BAG1: variants seen among roughly 807,000 people sequenced by gnomAD.
BAG1 encodes BAG family molecular chaperone regulator 1.
Under a neutral mutation model 35.5 loss-of-function variants are expected in BAG1, and 35 were observed. That is an observed-to-expected ratio of 0.99 (90% confidence interval 0.75 to 1.31). The LOEUF is 1.31. Ranked by LOEUF, BAG1 falls within the 50% of genes most tolerant of loss-of-function variation. The pLI is 0.00. For missense variants in BAG1, 464 were observed against 453.6 expected (o/e 1.02, Z -0.21); for synonymous variants, 191 against 178.9 (o/e 1.07, Z -0.54).
intron 6 of BAG1, among the ~76,000 whole-genome samples, 174 bp from the exon 7 acceptor site, chr9:33,255,482 A>AT (rs1167774255): frequency 6.6e-6 from 1 of 152,220 alleles, no homozygotes; most frequent in African/African-American, 2.4e-5. Flanking sequence ...GGGAGGGAGC[A>AT]TAGGACCAGC....
chr9:33,258,982 A>G lies in BAG1; in HGVS notation c.715T>C (p.Ser239Pro). The change falls in exon 4 of 7, where the codon TCT becomes CCT. Residue 239 changes from serine to proline, a missense_variant. Ser to Pro is a moderately conservative substitution (Grantham distance 74, BLOSUM62 -1). Coordinates refer to ENST00000634734, the MANE Select transcript of BAG1 (RefSeq NM_004323.6). ...AGCTGGTCAGCTATCTTCTCCACAG[A>G]CTTCTCCAAATGTTTCAACTTCTTT... 1 of 1,614,162 alleles carries G rather than the reference A, an allele frequency of 6.2e-7. No homozygotes were observed. The highest frequency in any genetic ancestry group is 8.5e-7 in the Non-Finnish European group (1 of 1,180,018).
rs2117918622 is a variant in BAG1, at chr9:33,254,592, AG to A, written c.*626del. ...GACAAGGAAGCCTTGCATCAACCAC[AG>A]GCTCCATCCAAGGAACGGCCCCCTG... On this transcript the variant is annotated 3_prime_UTR_variant, in exon 7 of 7. Coordinates refer to ENST00000634734, the MANE Select transcript of BAG1 (RefSeq NM_004323.6). The A allele has an allele frequency of 6.1e-6, 1 of 164,772 alleles. No homozygotes were observed. The highest frequency in any genetic ancestry group is 2.4e-5 in the African/African-American group (1 of 41,652). The allele number at this position is 164,772 out of a possible 1,614,324, so 10.2% of individuals were successfully genotyped here.
In BAG1 at chr9:33,264,542, C is replaced by T; in HGVS notation, c.133G>A (p.Gly45Arg). The stretch of plus-strand genomic sequence containing the variant: ...GCAGTACTCCGGGCAGGTGGACGCC[C>T]AGAGGGAGGCGGACCACGCTGGGCC... The change falls in exon 1 of 7, where the codon GGG (glycine) becomes AGG (arginine). Residue 45 changes from glycine (G) to arginine (R), a missense_variant. By Grantham distance (125) the Gly-to-Arg change is moderately radical. Coordinates refer to ENST00000634734, the MANE Select transcript of BAG1 (RefSeq NM_004323.6). 6.5e-7 allele frequency: 1 copy of T among 1,535,136 alleles called. No individual in the cohort carries two copies. The highest frequency in any genetic ancestry group is 1.2e-5 in the South Asian group (1 of 82,840).
At chr9:33,256,091 C>T (rs993107425) in intron 5 of BAG1, among the ~76,000 whole-genome samples, 164 bp from the exon 6 acceptor site, 3 of 152,188 alleles carry the variant, frequency 2.0e-5, no homozygotes, top group African/African-American at 7.2e-5. Context: ...AACCCTTTCC[C>T]TGGGTCTGTA....
At chr9:33,257,058 A>G (rs1820471153) in intron 4 of BAG1, 150 bp from the exon 5 acceptor site, 1 of 605,570 alleles carries the variant, frequency 1.7e-6, no homozygotes, top group Admixed American at 3.1e-5. Context: ...TCTTGGAAAA[A>G]TTAAAAAGGC....
At chr9:33,256,207 T>C (rs1820449998) in intron 5 of BAG1, among the ~76,000 whole-genome samples, 1 of 152,340 alleles carries the variant, frequency 6.6e-6, no homozygotes, top group Middle Eastern at 3.4e-3. Flanking sequence ...TCTTTTATTG[T>C]TTCCTATGTA....
rs764767280 is a variant in BAG1 at position 33,255,224 on chromosome 9, C to A, written c.1033G>T (p.Glu345Ter). ...CAGCCTTTTTCTGCTACACCTCACT[C>A]GGCCAGGGCAAAGTTTGTAGACTGC... is the stretch of plus-strand genomic sequence containing the variant. Residue 345 changes from glutamate (E) to a stop codon, truncating the protein, a stop_gained, in exon 7 of 7, where the codon GAG becomes TAG. Transcript: ENST00000634734. LOFTEE classifies it high-confidence loss of function. 1 of 1,614,192 alleles carries A rather than the reference C, an allele frequency of 6.2e-7. No homozygotes were observed. Among genetic ancestry groups the A allele is most frequent in the South Asian group, 1.1e-5 (1 of 91,082 alleles).
In BAG1 at chr9:33,254,678, C is replaced by G. The variant is rs914514869; in HGVS notation, c.*541G>C. 1 of 215,824 alleles carries G rather than the reference C, an allele frequency of 4.6e-6. No homozygotes were observed. The highest frequency in any genetic ancestry group is 9.4e-6 in the Non-Finnish European group (1 of 106,248). The allele number at this position is 215,824 out of a possible 1,614,324, so 13.4% of individuals were successfully genotyped here. On this transcript the variant is annotated 3_prime_UTR_variant, in exon 7 of 7. Coordinates refer to ENST00000634734, the MANE Select transcript of BAG1 (RefSeq NM_004323.6). Reference sequence around the variant, plus strand: ...GGAGGTGAGGACAAAGTCTAGAACCCAACAACCCAGCCAGATGCTCTGGAA... The same window carrying G: ...GGAGGTGAGGACAAAGTCTAGAACCGAACAACCCAGCCAGATGCTCTGGAA...
intron 2 of BAG1, chr9:33,261,979 G>A (rs957061622): frequency 3.4e-6 from 4 of 1,184,640 alleles, no homozygotes; most frequent in African/African-American, 3.2e-5. Flanking sequence ...CACGGAGGCT[G>A]TTATTTTAAC....
rs780509025 is a variant in BAG1 at position 33,258,955 on chromosome 9, C to T, written c.742G>A (p.Glu248Lys). The change falls in exon 4 of 7, where the codon GAA (glutamate) becomes AAA (lysine). Residue 248 changes from glutamate (E) to lysine (K), a missense_variant. Glu to Lys is a moderately conservative substitution (Grantham distance 56). Transcript: ENST00000634734. ...CCAGTAAGCTCTTTATTCAACTCTT[C>T]CAGCTGGTCAGCTATCTTCTCCACA... is the stretch of plus-strand genomic sequence containing the variant. 3 of 1,614,212 alleles carry T rather than the reference C, an allele frequency of 1.9e-6. No individual in the cohort carries two copies. The Admixed American group carries it at 5.0e-5, about 27-fold the overall frequency.
At chr9:33,258,851 C>T (rs1009059121) in intron 4 of BAG1, 69 bp downstream of exon 4, 13 of 1,332,312 alleles carry the variant, frequency 9.8e-6, no homozygotes, top group Non-Finnish European at 1.4e-5. Flanking sequence ...AACATGTCCC[C>T]ATAACCACAA....
At position 33,252,856 on chromosome 9, in the gene BAG1, T is replaced by C. The variant is rs1029082540; in HGVS notation, c.*2363A>G. The stretch of plus-strand genomic sequence containing the variant: ...CTGAAGGATGAACAAAAGTCACCTA[T>C]ACAAGGGTAGGGTTGGAGGAAGGAA... On this transcript the variant is annotated 3_prime_UTR_variant, in exon 7 of 7. Coordinates refer to ENST00000634734, the MANE Select transcript of BAG1 (RefSeq NM_004323.6). 6.6e-6 allele frequency: 1 copy of C among 151,942 alleles called. No individual in the cohort carries two copies. The highest frequency in any genetic ancestry group is 2.4e-5 in the African/African-American group (1 of 41,312). 9.4% of individuals were successfully genotyped at this position (151,942 alleles called of 1,614,324 possible).
rs1316328883 is a variant in BAG1, at chr9:33,264,643, C to A, written c.32G>T (p.Arg11Leu). 30 of 1,346,112 alleles carry A rather than the reference C, an allele frequency of 2.2e-5. No individual in the cohort carries two copies. The highest frequency in any genetic ancestry group is 2.6e-5 in the Non-Finnish European group (28 of 1,057,390). 83.4% of individuals were successfully genotyped at this position (1,346,112 alleles called of 1,614,324 possible). The change falls in exon 1 of 7, where the codon CGA becomes CTA. Residue 11 changes from arginine (R) to leucine (L), a missense_variant. By Grantham distance (102) the Arg-to-Leu change is moderately radical. Coordinates refer to ENST00000634734, the MANE Select transcript of BAG1 (RefSeq NM_004323.6). ...GGAACCCAGCCGCTCCCGGTCGCCTCGCGGTCTCCGCGCCCCCCCGCGCTG... is the reference window on the plus strand; with the variant it reads ...GGAACCCAGCCGCTCCCGGTCGCCTAGCGGTCTCCGCGCCCCCCCGCGCTG...
intron 1 of BAG1, 52 bp downstream of exon 1, chr9:33,264,172 C>T (rs759233914): frequency 7.2e-6 from 11 of 1,530,574 alleles, no homozygotes; most frequent in Non-Finnish European, 8.8e-6. Flanking sequence ...ACCCACAGAC[C>T]CCGCCGGGCT....
chr9:33,255,757 A>G, intron 6 of BAG1, 108 bp downstream of exon 6: 3 of 1,210,044 alleles, frequency 2.5e-6, no homozygotes, highest in Non-Finnish European at 3.6e-6. Context: ...AACCAAAACA[A>G]GCCCATACCA....
In BAG1 at chr9:33,264,690, C is replaced by T; in HGVS notation, c.-16G>A. ...GCTGAGCCAGGCCCGCACTTGTTGA[C>T]CGCCCAGCGATGGAAGCTGAGCGCG... On this transcript the variant is annotated 5_prime_UTR_variant, in exon 1 of 7. Transcript: ENST00000634734. 2 of 1,357,588 alleles carry T rather than the reference C, an allele frequency of 1.5e-6. No homozygotes were observed. The highest frequency in any genetic ancestry group is 9.4e-7 in the Non-Finnish European group (1 of 1,061,820). 84.1% of individuals were successfully genotyped at this position (1,357,588 alleles called of 1,614,324 possible). A position where few individuals can be genotyped will look rare whatever the true frequency, so the allele number is the denominator to read the frequency against.
Position 33,253,575 on chromosome 9 carries a change from C to G in BAG1, c.*1644G>C, listed in dbSNP as rs971331628. On this transcript the variant is annotated 3_prime_UTR_variant, in exon 7 of 7. Coordinates refer to ENST00000634734, the MANE Select transcript of BAG1 (RefSeq NM_004323.6). ...GGTGGGCTGGGACCCGAGCCTTGTC[C>G]ACAAGTCTACCTCTACTACCTTGTC... The G allele has an allele frequency of 6.6e-6, 1 of 152,122 alleles. No homozygotes were observed. The highest frequency in any genetic ancestry group is 2.4e-5 in the African/African-American group (1 of 41,438). The allele number at this position is 152,122 out of a possible 1,614,324, so 9.4% of individuals were successfully genotyped here.
rs1378298692 is a variant in BAG1, at chr9:33,264,708, T to C, written c.-34A>G. 8 of 1,364,070 alleles carry C rather than the reference T, an allele frequency of 5.9e-6. No homozygotes were observed. In the East Asian group the frequency reaches 1.7e-4, roughly 30 times the overall value. 84.5% of individuals were successfully genotyped at this position (1,364,070 alleles called of 1,614,324 possible). On this transcript the variant is annotated 5_prime_UTR_variant, in exon 1 of 7. Coordinates refer to ENST00000634734, the MANE Select transcript of BAG1 (RefSeq NM_004323.6). ...TTGTTGACCGCCCAGCGATGGAAGC[T>C]GAGCGCGGCGTCTCACAACCCCGCC...
At chr9:33,258,831 C>A in intron 4 of BAG1, 89 bp downstream of exon 4, 2 of 1,056,564 alleles carry the variant, frequency 1.9e-6, no homozygotes, top group South Asian at 1.4e-5. Context: ...CCCAGGGAGT[C>A]TGACTGCAGA....
Sources: gnomAD v4.1 joint callset for allele counts (sites outside exome capture counted in the v4.1 genomes callset) on GRCh38, gnomAD v4.1.1 for gene constraint, MANE v1.5 for transcripts, NCBI Gene and HGNC (gene_info 2026-07-23, HGNC 2026-07-21) for gene names.